The following ATRNL1 variants were observed in gnomAD, a reference collection of about 807,000 sequenced individuals.
The protein encoded by ATRNL1 is attractin-like protein 1.
ATRNL1 carries 95 observed loss-of-function variants against 182.7 expected under a neutral mutation model. The observed-to-expected ratio is 0.52, with a 90% confidence interval of 0.44 to 0.62. The LOEUF is 0.62. Among genes scored for constraint, ATRNL1 ranks in the 20% least tolerant of loss-of-function variants. The probability of loss-of-function intolerance (pLI) is 0.00; values close to 1 mark genes in which losing one functional copy is unlikely to be tolerated. For missense variants in ATRNL1, 1,471 were observed against 1,679.5 expected, an observed-to-expected ratio of 0.88 and a Z score of 2.17; for synonymous variants, 576 against 568.3, an observed-to-expected ratio of 1.01 and a Z score of -0.19.
At chr10:115,270,908 C>G (rs1359271362) in intron 13 of ATRNL1, among the ~76,000 whole-genome samples, 1 of 152,038 alleles carries the variant, frequency 6.6e-6, no homozygotes, top group African/African-American at 2.4e-5. Context: ...TCTACATAAA[C>G]CATACTTAAT....
intron 24 of ATRNL1, among the ~76,000 whole-genome samples, chr10:115,489,924 T>A (rs1194902696): frequency 6.6e-6 from 1 of 152,132 alleles, no homozygotes; most frequent in Admixed American, 6.6e-5. Flanking sequence ...GGCCTGTTGG[T>A]GACAGTCTCT....
chr10:115,447,434 C>CT (rs1847058569), intron 21 of ATRNL1, among the ~76,000 whole-genome samples: 1 of 151,282 alleles, frequency 6.6e-6, no homozygotes, highest in African/African-American at 2.4e-5. Flanking sequence ...TTATTGAGTA[C>CT]TTTATATATG....
chr10:115,414,877 G>C (rs563840616), intron 20 of ATRNL1, among the ~76,000 whole-genome samples: 181 of 151,280 alleles, frequency 1.2e-3, no homozygotes, highest in African/African-American at 4.1e-3. Context: ...TCATTTTTTT[G>C]TTCTGTTTTG....
intron 8 of ATRNL1, among the ~76,000 whole-genome samples, chr10:115,192,592 T>G (rs2144244056): frequency 6.6e-6 from 1 of 152,248 alleles, no homozygotes; most frequent in African/African-American, 2.4e-5. Flanking sequence ...CTTTTGTGGT[T>G]TCATATAAAT....
At chr10:115,263,694 C>T (rs1236128407) in intron 10 of ATRNL1, among the ~76,000 whole-genome samples, 1 of 151,692 alleles carries the variant, frequency 6.6e-6, no homozygotes, top group Non-Finnish European at 1.5e-5. Flanking sequence ...TTGCACCAAC[C>T]TAATAGTGCT....
chr10:115,229,559 T>C (rs1310915014), intron 9 of ATRNL1, among the ~76,000 whole-genome samples: 1 of 152,010 alleles, frequency 6.6e-6, no homozygotes, highest in East Asian at 1.9e-4. Context: ...ATTTTATATA[T>C]TTATGAGGGA....
chr10:115,585,190 A>C (rs1344999321), intron 26 of ATRNL1, among the ~76,000 whole-genome samples: 2 of 86,590 alleles, frequency 2.3e-5, no homozygotes, highest in African/African-American at 7.8e-5. Context: ...ATTTTGGAAT[A>C]GGTGTGGTGT....
rs577785704 is a variant in ATRNL1, at chr10:115,215,610, G to A, written c.1349-87G>A. ...GTTTACTCATAAAAATATGTCATTA[G>A]AATTAACTTGTTGGTATTTTGGTGA... On this transcript the variant is annotated intron_variant, in intron 8 of 28. Coordinates refer to ENST00000355044, the MANE Select transcript of ATRNL1 (RefSeq NM_207303.4). The A allele has an allele frequency of 1.0e-4, 102 of 1,007,492 alleles. No homozygotes were observed. In the African/African-American group the frequency reaches 1.4e-3, roughly 14 times the overall value. 62.4% of individuals were successfully genotyped at this position (1,007,492 alleles called of 1,614,324 possible).
chr10:115,936,422 T>C (rs1366668526), intron 28 of ATRNL1, among the ~76,000 whole-genome samples: 1 of 152,210 alleles, frequency 6.6e-6, no homozygotes, highest in African/African-American at 2.4e-5. Flanking sequence ...GCCTGGCATA[T>C]AGTAGGCGCT....
intron 8 of ATRNL1, among the ~76,000 whole-genome samples, chr10:115,177,548 A>G (rs1329763044): frequency 6.6e-6 from 1 of 152,180 alleles, no homozygotes; most frequent in Non-Finnish European, 1.5e-5. Flanking sequence ...GCTTTAATTG[A>G]CACATAATCT....
At chr10:115,751,028 A>G (rs1482202838) in intron 27 of ATRNL1, among the ~76,000 whole-genome samples, 1 of 152,024 alleles carries the variant, frequency 6.6e-6, no homozygotes, top group Non-Finnish European at 1.5e-5. Context: ...GGCAAAAGAG[A>G]TTTTGAAGAT....
intron 18 of ATRNL1, among the ~76,000 whole-genome samples, chr10:115,330,672 CTTTTTTT>C (rs200104323): frequency 7.9e-5 from 8 of 101,410 alleles, no homozygotes; most frequent in South Asian, 3.3e-4. Context: ...GTGTTATTTG[CTTTTTTT>C]TTTTTTTTTT....
At chr10:115,602,585 C>T (rs371381894) in intron 26 of ATRNL1, among the ~76,000 whole-genome samples, 29 of 152,090 alleles carry the variant, frequency 1.9e-4, no homozygotes, top group South Asian at 4.1e-4. Flanking sequence ...CAATCATGGC[C>T]GGGCGCAGTG....
rs1325552535 is a variant in ATRNL1 at position 115,946,546 on chromosome 10, A to T, written c.*1767A>T. 1 of 152,158 alleles carries T rather than the reference A, an allele frequency of 6.6e-6. No homozygotes were observed. Among genetic ancestry groups the T allele is most frequent in the African/African-American group, 2.4e-5 (1 of 41,436 alleles). 9.4% of individuals were successfully genotyped at this position (152,158 alleles called of 1,614,324 possible). On this transcript the variant is annotated 3_prime_UTR_variant, in exon 29 of 29. Transcript: ENST00000355044. Reference sequence around the variant, plus strand: ...ATAATTTTGCTATTTTCCATGCATTAAAAATAAGACAAATTCTTAGAGTAA... The same window carrying T: ...ATAATTTTGCTATTTTCCATGCATTTAAAATAAGACAAATTCTTAGAGTAA...
chr10:115,920,745 C>T (rs1364752321), intron 28 of ATRNL1, among the ~76,000 whole-genome samples: 1 of 152,142 alleles, frequency 6.6e-6, no homozygotes, highest in Non-Finnish European at 1.5e-5. Context: ...TAGACGGAAC[C>T]ATTAATGAAA....
At chr10:115,405,798 C>T (rs1422006825) in intron 20 of ATRNL1, among the ~76,000 whole-genome samples, 2 of 150,722 alleles carry the variant, frequency 1.3e-5, no homozygotes, top group African/African-American at 4.9e-5. Context: ...CCCAGTAACT[C>T]GTCATTTAAC....
chr10:115,310,924 T>C lies in ATRNL1; in HGVS notation c.2819-4594T>C, dbSNP rs972090934. Among the ~76,000 whole-genome samples, 5 of 152,182 alleles carry C rather than the reference T, an allele frequency of 3.3e-5. No individual in the cohort carries two copies. In the South Asian group the frequency reaches 8.3e-4, roughly 25 times the overall value. ...GACATTAGGTTGTCAGTGTGTGATC[T>C]TTCAGACTTTTTGATGCAGGCATTT... On this transcript the variant is annotated intron_variant, in intron 17 of 28. Transcript: ENST00000355044.
intron 26 of ATRNL1, among the ~76,000 whole-genome samples, chr10:115,554,669 C>G (rs1853209027): frequency 6.6e-6 from 1 of 151,388 alleles, no homozygotes; most frequent in Non-Finnish European, 1.5e-5. Context: ...CCTGGATTTA[C>G]TTTATTGTGA....
intron 26 of ATRNL1, among the ~76,000 whole-genome samples, chr10:115,633,393 G>T (rs1555027032): frequency 6.6e-6 from 1 of 152,014 alleles, no homozygotes; most frequent in African/African-American, 2.4e-5. Flanking sequence ...GACTTGTCTT[G>T]GACAGTTTCT....
Sources: allele counts gnomAD v4.1 joint callset (sites outside exome capture counted in the v4.1 genomes callset), GRCh38; gene constraint gnomAD v4.1.1; transcripts MANE v1.5; gene names NCBI Gene and HGNC (gene_info 2026-07-23, HGNC 2026-07-21).